Variants in CFAP418 observed in about 807,000 individuals in gnomAD.
CFAP418 encodes cilia and flagella associated protein 418.
In CFAP418, 27 loss-of-function variants were observed where a neutral mutation model predicts 24.7. That is an observed-to-expected ratio of 1.09 (90% CI 0.81 to 1.51). CFAP418 has a LOEUF of 1.51. CFAP418 is among the 40% of genes most tolerant of loss of function. CFAP418 has a pLI of 0.00. For synonymous variants in CFAP418, 74 were observed against 87.3 expected (o/e 0.85, Z 0.85); for missense variants, 257 against 255.2 (o/e 1.01, Z -0.05).
chr8:95,260,555 A>G, intron 2 of CFAP418, 23 bp from the exon 3 acceptor site: 1 of 1,466,682 alleles, frequency 6.8e-7, no homozygotes, highest in South Asian at 1.2e-5. Context: ...CAAAACAATA[A>G]AAGGCCATGA....
At chr8:95,267,983 T>C (rs1053164825) in intron 1 of CFAP418, among the ~76,000 whole-genome samples, 1 of 152,196 alleles carries the variant, frequency 6.6e-6, no homozygotes, top group African/African-American at 2.4e-5. Flanking sequence ...AGGTAGTTTT[T>C]AGATAAAAAA....
rs374303446 is a variant in CFAP418 at position 95,253,966 on chromosome 8, A to T, written c.375-1683T>A. 9.8e-5 allele frequency among the ~76,000 whole-genome samples: 15 copies of T among 152,352 alleles called. No homozygotes were observed. The East Asian group carries it at 1.9e-3, about 20-fold the overall frequency. ...TTGTATGTGTAAAATCTCAACCATA[A>T]TGCTAAATACAGCTTTTTAATTTAA... On this transcript the variant is annotated intron_variant, in intron 4 of 5. Transcript: ENST00000286688.
At chr8:95,262,944 AC>A (rs1811917716) in intron 2 of CFAP418, among the ~76,000 whole-genome samples, 2 of 152,210 alleles carry the variant, frequency 1.3e-5, no homozygotes, top group Admixed American at 1.3e-4. Context: ...AAGTGGATAA[AC>A]TGTGGCAGAG....
At chr8:95,264,881 T>A (rs78285341) in intron 1 of CFAP418, among the ~76,000 whole-genome samples, 2 of 152,224 alleles carry the variant, frequency 1.3e-5, no homozygotes, top group African/African-American at 4.8e-5. Context: ...TGTCTTTCAC[T>A]GTATACTGGT....
At chr8:95,262,900 C>T (rs148426677) in intron 2 of CFAP418, among the ~76,000 whole-genome samples, 116 of 152,232 alleles carry the variant, frequency 7.6e-4, no homozygotes, top group Middle Eastern at 3.4e-3. Flanking sequence ...TAATAGCAAA[C>T]AACTGAGCAC....
At chr8:95,247,945 C>T (rs964573316) in intron 5 of CFAP418, among the ~76,000 whole-genome samples, 175 bp from the exon 6 acceptor site, 9 of 152,078 alleles carry the variant, frequency 5.9e-5, no homozygotes, top group Admixed American at 3.3e-4. Flanking sequence ...CCTTGACCTC[C>T]CAGGCTTCCC....
intron 5 of CFAP418, among the ~76,000 whole-genome samples, chr8:95,248,788 C>T (rs1291365658): frequency 6.6e-6 from 1 of 151,896 alleles, no homozygotes; most frequent in African/African-American, 2.4e-5. Flanking sequence ...AGTGAAAGGA[C>T]GAAATACAGT....
chr8:95,259,991 T>C, intron 3 of CFAP418, 86 bp from the exon 4 acceptor site: 1 of 981,472 alleles, frequency 1.0e-6, no homozygotes, highest in Non-Finnish European at 1.5e-6. Context: ...AAATTTTTGG[T>C]TTTATTGACT....
At chr8:95,255,330 A>G (rs1350543678) in intron 4 of CFAP418, among the ~76,000 whole-genome samples, 2 of 151,184 alleles carry the variant, frequency 1.3e-5, no homozygotes, top group African/African-American at 4.8e-5. Context: ...TCCTTCCACC[A>G]GAGGAACACC....
intron 5 of CFAP418, among the ~76,000 whole-genome samples, chr8:95,248,018 T>G (rs1392864819): frequency 6.6e-6 from 1 of 152,082 alleles, no homozygotes; most frequent in Non-Finnish European, 1.5e-5. Flanking sequence ...AAAAAATTTT[T>G]TTTTGTAGAG....
In CFAP418 at chr8:95,252,293, G is replaced by A; in HGVS notation, c.375-10C>T. 1.9e-6 allele frequency: 3 copies of A among 1,584,478 alleles called. No homozygotes were observed. Among genetic ancestry groups the A allele is most frequent in the Non-Finnish European group, 2.6e-6 (3 of 1,162,176 alleles). The stretch of plus-strand genomic sequence containing the variant: ...CAGATGGTCACATGCTCTGTTCAGA[G>A]AAAAAAAATTGTATATTAAAGATTA... On this transcript the variant is annotated splice_polypyrimidine_tract_variant and intron_variant, in intron 4 of 5. Transcript: ENST00000286688.
chr8:95,254,369 T>C (rs552849652), intron 4 of CFAP418, among the ~76,000 whole-genome samples: 1 of 152,214 alleles, frequency 6.6e-6, no homozygotes, highest in African/African-American at 2.4e-5. Flanking sequence ...ACAACGCAAA[T>C]AGGCAGGATA....
At position 95,263,706 on chromosome 8, in the gene CFAP418, T is replaced by C; in HGVS notation, c.224A>G (p.Asn75Ser). The part of the protein sequence containing the change: ...SLINEILEEP[N>S]LDKKPSKLKS... ...ACTTACAGAGGGTTTTTTGTCCAAG[T>C]TGGGCTCTTCAAGTATTTCATTAAT... The change falls in exon 2 of 6, where the codon AAC (asparagine) becomes AGC (serine). Residue 75 changes from asparagine to serine, a missense_variant. Physicochemically the swap from Asn to Ser is conservative, Grantham distance 46. Coordinates refer to ENST00000286688, the MANE Select transcript of CFAP418 (RefSeq NM_177965.4). The C allele has an allele frequency of 6.2e-7, 1 of 1,605,238 alleles. No homozygotes were observed. Among genetic ancestry groups the C allele is most frequent in the Non-Finnish European group, 8.5e-7 (1 of 1,172,624 alleles).
At chr8:95,261,566 A>G (rs1205812466) in intron 2 of CFAP418, among the ~76,000 whole-genome samples, 1 of 152,162 alleles carries the variant, frequency 6.6e-6, no homozygotes, top group Non-Finnish European at 1.5e-5. Context: ...CTCTAATGAC[A>G]ACGTTGGCAT....
chr8:95,268,974 G>T, intron 1 of CFAP418, 61 bp downstream of exon 1: 1 of 1,530,760 alleles, frequency 6.5e-7, no homozygotes, highest in Non-Finnish European at 8.9e-7. Flanking sequence ...CGGCGGAGGG[G>T]CAGCTCTAGG....
chr8:95,252,928 C>A (rs1050942049), intron 4 of CFAP418, among the ~76,000 whole-genome samples: 1 of 152,190 alleles, frequency 6.6e-6, no homozygotes, highest in African/African-American at 2.4e-5. Context: ...AAGCAAGGTG[C>A]ACACTAACAT....
rs768222931 is a variant in CFAP418 at position 95,269,108 on chromosome 8, C to G, written c.82G>C (p.Glu28Gln). 6.2e-7 allele frequency: 1 copy of G among 1,614,158 alleles called. No individual in the cohort carries two copies. Among genetic ancestry groups the G allele is most frequent in the Non-Finnish European group, 8.5e-7 (1 of 1,180,020 alleles). The part of the protein sequence containing the change: ...TPDLLRRGMV[E>Q]QPKGCGGGTH... ...CCGCCGCCGCAGCCTTTGGGCTGCT[C>G]GACCATACCCCGTCTTAGAAGGTCA... Residue 28 changes from glutamate (E) to glutamine (Q), a missense_variant, in exon 1 of 6, where the codon GAG (glutamate) becomes CAG (glutamine). Coordinates refer to ENST00000286688, the MANE Select transcript of CFAP418 (RefSeq NM_177965.4).
Position 95,247,426 on chromosome 8 carries a change from A to G in CFAP418, c.*191T>C. On this transcript the variant is annotated 3_prime_UTR_variant, in exon 6 of 6. Transcript: ENST00000286688. ...GTGAAACATCCATGTATCAGGAATAATTCCAAAGTGTTATAATACATGATC... is the reference window on the plus strand; with the variant it reads ...GTGAAACATCCATGTATCAGGAATAGTTCCAAAGTGTTATAATACATGATC... 1 of 594,172 alleles carries G rather than the reference A, an allele frequency of 1.7e-6. No individual in the cohort carries two copies. The highest frequency in any genetic ancestry group is 2.2e-5 in the South Asian group (1 of 45,972). 36.8% of individuals were successfully genotyped at this position (594,172 alleles called of 1,614,324 possible).
chr8:95,264,592 G>T (rs1811945025), intron 1 of CFAP418, among the ~76,000 whole-genome samples: 1 of 152,112 alleles, frequency 6.6e-6, no homozygotes, highest in African/African-American at 2.4e-5. Flanking sequence ...TACTATACAA[G>T]ATTAACTTTC....
Sources: gnomAD v4.1 joint callset for allele counts (sites outside exome capture counted in the v4.1 genomes callset) on GRCh38, gnomAD v4.1.1 for gene constraint, MANE v1.5 for transcripts, NCBI Gene and HGNC (gene_info 2026-07-23, HGNC 2026-07-21) for gene names.